Variants in THOC1 observed in about 807,000 individuals in gnomAD.
THOC1 encodes THO complex 1.
In THOC1, 29 loss-of-function variants were observed where a neutral mutation model predicts 97.3. That is an observed-to-expected ratio of 0.30 (90% CI 0.22 to 0.41). The LOEUF (loss-of-function observed/expected upper bound fraction) is 0.41, where lower values mean the gene tolerates loss of function less well. Among genes scored for constraint, THOC1 ranks in the 10% least tolerant of loss-of-function variants. The pLI, the probability that THOC1 is intolerant of heterozygous loss-of-function variation, is 1.00. For missense variants in THOC1, 529 were observed against 761.9 expected (o/e 0.69, Z 3.60); for synonymous variants, 255 against 257.0 (o/e 0.99, Z 0.07).
chr18:231,966 C>G (rs939831823), intron 11 of THOC1, among the ~76,000 whole-genome samples: 10 of 152,192 alleles, frequency 6.6e-5, no homozygotes, highest in African/African-American at 1.7e-4. Context: ...AAGGACCAGC[C>G]AGAAACTATT....
chr18:227,423 C>T (rs976184188), intron 11 of THOC1, among the ~76,000 whole-genome samples: 5 of 152,098 alleles, frequency 3.3e-5, no homozygotes, highest in Admixed American at 1.3e-4. Context: ...ACGGGGACCA[C>T]TCATTTTTGT....
intron 11 of THOC1, among the ~76,000 whole-genome samples, chr18:241,822 A>G (rs942110920): frequency 1.3e-5 from 2 of 152,230 alleles, no homozygotes; most frequent in African/African-American, 4.8e-5. Context: ...TTTATTTGGT[A>G]TAAGTTGAAC....
At chr18:221,560 A>G (rs1299011826) in intron 17 of THOC1, among the ~76,000 whole-genome samples, 1 of 149,618 alleles carries the variant, frequency 6.7e-6, no homozygotes, top group African/African-American at 2.5e-5. Context: ...CAACCTTTCC[A>G]TATCTTTATT....
At position 225,350 on chromosome 18, in the gene THOC1, T is replaced by A; in HGVS notation, c.1073A>T (p.Lys358Ile). Residue 358 changes from lysine to isoleucine, a missense_variant, in exon 13 of 21, where the codon AAA becomes ATA. Coordinates refer to ENST00000261600, the MANE Select transcript of THOC1 (RefSeq NM_005131.3). ...EQSLWIEDTT[K>I]SVYQLLSENP... ...TGTTGAACTTACTTGATAAACTGAT[T>A]TTGTAGTATCTTCAATCCAAAGTGA... The A allele has an allele frequency of 6.2e-7, 1 of 1,613,598 alleles. No homozygotes were observed. Among genetic ancestry groups the A allele is most frequent in the Non-Finnish European group, 8.5e-7 (1 of 1,179,742 alleles).
At chr18:249,620 G>C (rs1042263691) in intron 9 of THOC1, among the ~76,000 whole-genome samples, 2 of 149,480 alleles carry the variant, frequency 1.3e-5, no homozygotes, top group Non-Finnish European at 3.0e-5. Flanking sequence ...CGAGATCACA[G>C]CACTGCACTC....
intron 10 of THOC1, among the ~76,000 whole-genome samples, chr18:247,082 A>T (rs1241298593): frequency 3.3e-5 from 5 of 152,194 alleles, no homozygotes; most frequent in Admixed American, 6.5e-5. Context: ...GAGCAAATAA[A>T]TTCCACCAAA....
intron 18 of THOC1, 30 bp from the exon 19 acceptor site, chr18:216,663 T>C (rs762128894): frequency 1.3e-6 from 2 of 1,598,250 alleles, no homozygotes; most frequent in South Asian, 2.3e-5. Flanking sequence ...GCTTGTAATT[T>C]ATAGCTTTGT....
chr18:231,760 C>T (rs904356288), intron 11 of THOC1, among the ~76,000 whole-genome samples: 9 of 152,116 alleles, frequency 5.9e-5, no homozygotes, highest in Admixed American at 3.3e-4. Context: ...ATGTATTTCA[C>T]GGTTAGGATT....
chr18:215,542 G>T, intron 19 of THOC1, 38 bp from the exon 20 acceptor site: 1 of 1,524,940 alleles, frequency 6.6e-7, no homozygotes. Flanking sequence ...AAGAATGCCA[G>T]CCTCTGAAGT....
chr18:243,499 T>C lies in THOC1; in HGVS notation c.918+2825A>G, dbSNP rs570511676. On this transcript the variant is annotated intron_variant, in intron 11 of 20. Coordinates refer to ENST00000261600, the MANE Select transcript of THOC1 (RefSeq NM_005131.3). The stretch of plus-strand genomic sequence containing the variant: ...GTTGCAGTGAGCCAAGACCACGCCA[T>C]TGCACTCCAGCCTGGGCGACAGAGC... Among the ~76,000 whole-genome samples the C allele has an allele frequency of 5.3e-4, 81 of 151,926 alleles. 1 individual carries two copies. Among genetic ancestry groups the C allele is most frequent in the African/African-American group, 1.8e-3 (74 of 41,454 alleles).
Position 224,148 on chromosome 18 carries a change from G to C in THOC1, c.1240C>G (p.Arg414Gly). ...TSDTKPTRII[R>G]KRTAPEDFLG... ...AAGTCCTCGGGTGCTGTTCTCTTCCGAATTATTCTCGTAGGTTTGGTATCT... is the reference window on the plus strand; with the variant it reads ...AAGTCCTCGGGTGCTGTTCTCTTCCCAATTATTCTCGTAGGTTTGGTATCT... Residue 414 changes from arginine to glycine, a missense_variant, in exon 16 of 21, where the codon CGG (arginine) becomes GGG (glycine). Arg to Gly is a moderately radical substitution (Grantham distance 125). Coordinates refer to ENST00000261600, the MANE Select transcript of THOC1 (RefSeq NM_005131.3). The C allele has an allele frequency of 6.2e-7, 1 of 1,610,704 alleles. No individual in the cohort carries two copies. The highest frequency in any genetic ancestry group is 1.1e-5 in the South Asian group (1 of 90,206).
chr18:236,552 A>G (rs1911705074), intron 11 of THOC1, among the ~76,000 whole-genome samples: 1 of 150,994 alleles, frequency 6.6e-6, no homozygotes, highest in Non-Finnish European at 1.5e-5. Flanking sequence ...TTTAGTAGAG[A>G]CAGGGTTTCA....
chr18:253,630 AT>A (rs1346553295), intron 8 of THOC1, among the ~76,000 whole-genome samples: 2 of 152,218 alleles, frequency 1.3e-5, no homozygotes, highest in Non-Finnish European at 2.9e-5. Flanking sequence ...TCTGCAAAAA[AT>A]AACCCAATGT....
intron 9 of THOC1, among the ~76,000 whole-genome samples, chr18:249,437 C>T (rs1284095820): frequency 2.6e-5 from 4 of 152,018 alleles, no homozygotes; most frequent in Non-Finnish European, 5.9e-5. Flanking sequence ...GAGGCTGAGG[C>T]GGGCGGATCA....
At chr18:217,488 G>A (rs576521683) in intron 18 of THOC1, among the ~76,000 whole-genome samples, 11 of 152,298 alleles carry the variant, frequency 7.2e-5, no homozygotes, top group Admixed American at 6.5e-4. Context: ...AGTCCACCTA[G>A]TCTTATGTAA....
intron 1 of THOC1, 72 bp downstream of exon 1, chr18:267,894 C>G (rs999726916): frequency 4.4e-5 from 64 of 1,468,884 alleles, no homozygotes; most frequent in Non-Finnish European, 5.0e-5. Context: ...GGGCAAAATT[C>G]GAGTAATTTC....
chr18:253,310 C>T (rs905228599), intron 8 of THOC1, among the ~76,000 whole-genome samples: 9 of 152,312 alleles, frequency 5.9e-5, no homozygotes, highest in Middle Eastern at 3.4e-3. Flanking sequence ...TTGATGCAGA[C>T]GCTGCAGACT....
At chr18:232,428 A>G (rs1038210119) in intron 11 of THOC1, among the ~76,000 whole-genome samples, 3 of 151,976 alleles carry the variant, frequency 2.0e-5, no homozygotes, top group East Asian at 1.9e-4. Flanking sequence ...GATAGGCCAG[A>G]TTTGCCAACC....
chr18:235,274 A>G (rs1911639073), intron 11 of THOC1, among the ~76,000 whole-genome samples: 1 of 151,872 alleles, frequency 6.6e-6, no homozygotes, highest in South Asian at 2.1e-4. Flanking sequence ...CAAGCTCTGG[A>G]TTTCTTTTTA....
Sources: gnomAD v4.1 joint callset for allele counts (sites outside exome capture counted in the v4.1 genomes callset) on GRCh38, gnomAD v4.1.1 for gene constraint, MANE v1.5 for transcripts, NCBI Gene and HGNC (gene_info 2026-07-23, HGNC 2026-07-21) for gene names.